Variants in OTOGL observed in about 807,000 individuals in gnomAD.
OTOGL encodes otogelin like.
OTOGL carries 285 observed loss-of-function variants against 318.5 expected under a neutral mutation model. The observed-to-expected ratio is 0.89, with a 90% CI of 0.81 to 0.99. The LOEUF is 0.99. Among genes scored for constraint, OTOGL ranks in the 50% least tolerant of loss-of-function variants. OTOGL has a pLI of 0.00. For missense variants in OTOGL, 2,899 were observed against 2,845.6 expected, an observed-to-expected ratio of 1.02 and a Z score of -0.43; for synonymous variants, 987 against 936.5, an observed-to-expected ratio of 1.05 and a Z score of -0.99.
intron 19 of OTOGL, among the ~76,000 whole-genome samples, chr12:80,263,965 A>G (rs1882750681): frequency 6.6e-6 from 1 of 152,142 alleles, no homozygotes; most frequent in Admixed American, 6.6e-5. Flanking sequence ...GTTTTTATAT[A>G]CATATACATT....
At chr12:80,339,298 G>GTTTTTTTTTTTTTTTT (rs10715159) in intron 43 of OTOGL, 34 bp downstream of exon 43, 40 of 538,096 alleles carry the variant, frequency 7.4e-5, no homozygotes, top group Middle Eastern at 1.1e-3. Context: ...GATTTCGTCT[G>GTTTTTTTTTTTTTTTT]TTTTTTTTTT....
chr12:80,232,319 C>T (rs1326365222), intron 8 of OTOGL, among the ~76,000 whole-genome samples: 1 of 152,074 alleles, frequency 6.6e-6, no homozygotes, highest in Non-Finnish European at 1.5e-5. Flanking sequence ...TATAATACGT[C>T]ATCCTTTGAT....
At chr12:80,140,128 TTCTC>T (rs1378447702) in intron 1 of OTOGL, among the ~76,000 whole-genome samples, 3 of 152,188 alleles carry the variant, frequency 2.0e-5, no homozygotes. Flanking sequence ...CTTTACTTTG[TTCTC>T]TCTATTGATG....
chr12:80,242,244 C>T (rs1880445992), intron 11 of OTOGL, among the ~76,000 whole-genome samples: 1 of 152,122 alleles, frequency 6.6e-6, no homozygotes, highest in South Asian at 2.1e-4. Context: ...TAGACTTTGA[C>T]TTTTGAAACT....
intron 29 of OTOGL, among the ~76,000 whole-genome samples, chr12:80,308,178 C>T (rs1886351053): frequency 1.3e-5 from 2 of 150,122 alleles, no homozygotes; most frequent in African/African-American, 2.5e-5. Context: ...GACGAGGTGG[C>T]TGCCGGGCGG....
At chr12:80,337,203 T>G (rs1437603435) in intron 42 of OTOGL, among the ~76,000 whole-genome samples, 199 bp downstream of exon 42, 1 of 152,072 alleles carries the variant, frequency 6.6e-6, no homozygotes, top group Non-Finnish European at 1.5e-5. Context: ...TGCAAATATT[T>G]TCCCCTGTGA....
Position 80,336,974 on chromosome 12 carries a change from T to C in OTOGL, c.4830T>C (p.His1610=), listed in dbSNP as rs1388527008. The stretch of plus-strand genomic sequence containing the variant: ...AGTTAAATGTGACAACACCCATACA[T>C]AAAATAATTGTCAATCGGTTGGCAA... ...FKKLNVTTPI[H]KIIVNRLARK... is the part of the protein sequence containing the mutation. Residue 1610 remains histidine (H), a synonymous_variant, in exon 42 of 59, where the codon CAT becomes CAC. Transcript: ENST00000547103. The C allele has an allele frequency of 6.3e-7, 1 of 1,592,132 alleles. No individual in the cohort carries two copies. The highest frequency in any genetic ancestry group is 1.7e-5 in the Admixed American group (1 of 57,518).
At chr12:80,370,394 G>A (rs557248740) in intron 55 of OTOGL, among the ~76,000 whole-genome samples, 176 bp from the exon 56 acceptor site, 41 of 139,736 alleles carry the variant, frequency 2.9e-4, no homozygotes, top group Admixed American at 2.1e-3. Flanking sequence ...CACTATACAC[G>A]TGTATGTATT....
chr12:80,306,504 C>G (rs759803327), intron 29 of OTOGL, among the ~76,000 whole-genome samples: 9 of 152,136 alleles, frequency 5.9e-5, no homozygotes, highest in Non-Finnish European at 5.9e-5. Flanking sequence ...AGTTACTTCT[C>G]TACTTTGCCT....
chr12:80,299,384 C>T (rs758193025), intron 27 of OTOGL, among the ~76,000 whole-genome samples: 7 of 152,130 alleles, frequency 4.6e-5, no homozygotes, highest in Non-Finnish European at 1.0e-4. Context: ...TATGACACAT[C>T]TTTGAAGTGG....
intron 1 of OTOGL, among the ~76,000 whole-genome samples, chr12:80,145,640 A>G (rs1174267550): frequency 1.3e-5 from 2 of 151,898 alleles, no homozygotes; most frequent in Non-Finnish European, 2.9e-5. Flanking sequence ...TCTATAAATT[A>G]CCTTGGGCAG....
chr12:80,130,620 C>A (rs749300033), intron 1 of OTOGL, among the ~76,000 whole-genome samples: 1 of 152,032 alleles, frequency 6.6e-6, no homozygotes, highest in Non-Finnish European at 1.5e-5. Context: ...AAGGGAGTGG[C>A]GAAGCTAAGT....
At chr12:80,339,356 C>T (rs1888627689) in intron 43 of OTOGL, 92 bp downstream of exon 43, 1 of 1,043,350 alleles carries the variant, frequency 9.6e-7, no homozygotes, top group Non-Finnish European at 1.3e-6. Context: ...GACCCTGTTG[C>T]CCCATTTTTC....
chr12:80,149,881 C>G (rs1171422885), intron 1 of OTOGL, among the ~76,000 whole-genome samples: 1 of 152,156 alleles, frequency 6.6e-6, no homozygotes, highest in Non-Finnish European at 1.5e-5. Flanking sequence ...TTGCACTTCC[C>G]GAGTGAGGCA....
At chr12:80,302,349 C>T (rs150815704) in intron 27 of OTOGL, among the ~76,000 whole-genome samples, 1 of 152,316 alleles carries the variant, frequency 6.6e-6, no homozygotes, top group African/African-American at 2.4e-5. Flanking sequence ...CTTCTGTGTC[C>T]ATTCCCTTGT....
At chr12:80,197,700 G>T (rs1876173751) in intron 1 of OTOGL, among the ~76,000 whole-genome samples, 1 of 152,188 alleles carries the variant, frequency 6.6e-6, no homozygotes, top group South Asian at 2.1e-4. Context: ...CACTCTAATG[G>T]CAGAAACAAA....
At position 80,128,766 on chromosome 12, in the gene OTOGL, C is replaced by T. The variant is rs1265468689; in HGVS notation, c.-20+29161C>T. ...GGGCACCCGTCCCCCAGCCTCGCTGCCGCCTTGCCGTTTGATCTCAGACTG... is the reference window on the plus strand; with the variant it reads ...GGGCACCCGTCCCCCAGCCTCGCTGTCGCCTTGCCGTTTGATCTCAGACTG... On this transcript the variant is annotated intron_variant, in intron 1 of 58. Transcript: ENST00000547103. 3.9e-5 allele frequency among the ~76,000 whole-genome samples: 6 copies of T among 152,318 alleles called. No individual in the cohort carries two copies. The East Asian group carries it at 1.2e-3, about 29-fold the overall frequency.
At chr12:80,271,332 T>TGACTTGAGGTG (rs1401951374) in intron 23 of OTOGL, among the ~76,000 whole-genome samples, 1 of 152,148 alleles carries the variant, frequency 6.6e-6, no homozygotes, top group Non-Finnish European at 1.5e-5. Flanking sequence ...ATATAAACAA[T>TGACTTGAGGTG]GACTTGAGGT....
intron 8 of OTOGL, among the ~76,000 whole-genome samples, chr12:80,232,600 T>C (rs918940773): frequency 6.6e-6 from 1 of 152,242 alleles, no homozygotes; most frequent in Non-Finnish European, 1.5e-5. Context: ...CACCAGTATT[T>C]AGCAGCTGTG....
Sources: gnomAD v4.1 joint callset for allele counts (sites outside exome capture counted in the v4.1 genomes callset) on GRCh38, gnomAD v4.1.1 for gene constraint, MANE v1.5 for transcripts, NCBI Gene and HGNC (gene_info 2026-07-23, HGNC 2026-07-21) for gene names.